Variants in FNIP2 observed in about 807,000 individuals in gnomAD.
FNIP2 encodes folliculin-interacting protein 2.
FNIP2 carries 32 observed loss-of-function variants against 108.7 expected under a neutral mutation model. The ratio of observed to expected loss-of-function variants is 0.29; its 90% CI spans 0.22 to 0.40. The LOEUF (loss-of-function observed/expected upper bound fraction) is 0.40, where lower values mean the gene tolerates loss of function less well. Among genes scored for constraint, FNIP2 ranks in the 10% least tolerant of loss-of-function variants. The probability of loss-of-function intolerance (pLI) is 1.00; values close to 1 mark genes in which losing one functional copy is unlikely to be tolerated. For synonymous variants in FNIP2, 480 were observed against 496.7 expected, an observed-to-expected ratio of 0.97 and a Z score of 0.45; for missense variants, 1,202 against 1,381.6, an observed-to-expected ratio of 0.87 and a Z score of 2.06.
At position 158,868,301 on chromosome 4, in the gene FNIP2, AG is replaced by A. The variant is rs1560815697; in HGVS notation, c.1666del (p.Ala556ProfsTer17). On this transcript the variant is annotated frameshift_variant, in exon 13 of 17. Transcript: ENST00000264433. LOFTEE classifies it high-confidence loss of function. This position sits in a 1 kb window ranked among gnomAD's most constrained non-coding sequence, Gnocchi z 4.6. The stretch of plus-strand genomic sequence containing the variant: ...TTTTAAATGGGAGCAAGATCATAAC[AG>A]CCTTGGAGAAAGGAGAGGTGGAGGA... ...QVLNGSKIIT[A>X]LEKGEVEESE... is the part of the protein sequence containing the mutation. 6.2e-7 allele frequency: 1 copy of A among 1,614,076 alleles called. No individual in the cohort carries two copies. Among genetic ancestry groups the A allele is most frequent in the Non-Finnish European group, 8.5e-7 (1 of 1,179,906 alleles).
intron 1 of FNIP2, among the ~76,000 whole-genome samples, chr4:158,791,805 T>TTA (rs1776428019): frequency 6.6e-6 from 1 of 152,138 alleles, no homozygotes; most frequent in Admixed American, 6.5e-5. Context: ...AGTCTGAGGG[T>TTA]TATATACATC....
intron 8 of FNIP2, among the ~76,000 whole-genome samples, chr4:158,854,236 A>C (rs1283160986): frequency 6.6e-6 from 1 of 152,220 alleles, no homozygotes; most frequent in Non-Finnish European, 1.5e-5. Flanking sequence ...CATAGAGTTA[A>C]ATATCTGTGC....
chr4:158,790,180 A>C (rs757227423), intron 1 of FNIP2, among the ~76,000 whole-genome samples: 1 of 151,624 alleles, frequency 6.6e-6, no homozygotes, highest in Non-Finnish European at 1.5e-5. Flanking sequence ...GATATCTCAT[A>C]ATGTGTATAC....
intron 1 of FNIP2, among the ~76,000 whole-genome samples, chr4:158,812,878 C>A (rs1375545911): frequency 6.6e-6 from 1 of 151,144 alleles, no homozygotes; most frequent in Non-Finnish European, 1.5e-5. Flanking sequence ...ATCCTCTGTG[C>A]CTTGCCTATT....
At chr4:158,839,278 T>C (rs1778984151) in intron 7 of FNIP2, among the ~76,000 whole-genome samples, 1 of 152,236 alleles carries the variant, frequency 6.6e-6, no homozygotes, top group Non-Finnish European at 1.5e-5. Flanking sequence ...CCCATTTATT[T>C]GTTTAGTCAT....
chr4:158,863,144 G>A (rs1425155686), intron 12 of FNIP2, among the ~76,000 whole-genome samples: 1 of 152,228 alleles, frequency 6.6e-6, no homozygotes, highest in African/African-American at 2.4e-5. Context: ...AGGAGTGTGA[G>A]GAGGGGACGA....
chr4:158,827,380 T>TC (rs960756595), intron 2 of FNIP2, among the ~76,000 whole-genome samples: 2 of 152,154 alleles, frequency 1.3e-5, no homozygotes, highest in African/African-American at 4.8e-5. Flanking sequence ...ACACAAGTTT[T>TC]CAAAAGGAAC....
At chr4:158,798,088 A>C (rs1317153627) in intron 1 of FNIP2, among the ~76,000 whole-genome samples, 1 of 152,108 alleles carries the variant, frequency 6.6e-6, no homozygotes, top group East Asian at 1.9e-4. Context: ...TTTTAGAGAC[A>C]GGGTCTTGCC....
At chr4:158,817,520 A>G (rs565201270) in intron 1 of FNIP2, among the ~76,000 whole-genome samples, 52 of 152,254 alleles carry the variant, frequency 3.4e-4, no homozygotes, top group Middle Eastern at 3.4e-3. Flanking sequence ...CTTTAGGTAT[A>G]ATTTTAGTCC....
chr4:158,856,756 C>T (rs565805456), intron 8 of FNIP2, among the ~76,000 whole-genome samples: 1 of 152,306 alleles, frequency 6.6e-6, no homozygotes, highest in African/African-American at 2.4e-5. Flanking sequence ...TAGAACTCTG[C>T]CTCAGTTTCC....
intron 1 of FNIP2, among the ~76,000 whole-genome samples, chr4:158,776,634 A>T (rs911791413): frequency 3.9e-5 from 6 of 152,036 alleles, no homozygotes; most frequent in African/African-American, 1.4e-4. Context: ...AAAGTCTTTT[A>T]AAGCATACAT....
At chr4:158,782,005 T>C (rs931318936) in intron 1 of FNIP2, among the ~76,000 whole-genome samples, 3 of 152,216 alleles carry the variant, frequency 2.0e-5, no homozygotes, top group Non-Finnish European at 4.4e-5. Flanking sequence ...TTGACAACTA[T>C]TAGACATTCA....
chr4:158,860,986 A>G (rs576282799), intron 10 of FNIP2, among the ~76,000 whole-genome samples: 45 of 152,162 alleles, frequency 3.0e-4, no homozygotes, highest in Middle Eastern at 3.4e-3. Flanking sequence ...TGAGGTGTCT[A>G]TTTTTCAAAG....
intron 1 of FNIP2, among the ~76,000 whole-genome samples, chr4:158,809,264 G>A (rs930135402): frequency 3.3e-5 from 5 of 152,174 alleles, no homozygotes; most frequent in African/African-American, 1.2e-4. Context: ...TTCGAGATCA[G>A]CCTGGCCAAC....
intron 1 of FNIP2, among the ~76,000 whole-genome samples, chr4:158,800,879 T>G (rs1252185063): frequency 6.6e-6 from 1 of 152,218 alleles, no homozygotes; most frequent in Non-Finnish European, 1.5e-5. Context: ...TTTCAGTTAC[T>G]GGGTGCCTTC....
chr4:158,828,678 A>G (rs1248501477), intron 2 of FNIP2, among the ~76,000 whole-genome samples: 1 of 152,186 alleles, frequency 6.6e-6, no homozygotes, highest in Non-Finnish European at 1.5e-5. Context: ...GTTTTGTTTT[A>G]TTAGTTCCAT....
Position 158,878,821 on chromosome 4 carries a change from A to G in FNIP2, c.2949+8352A>G, listed in dbSNP as rs549907296. 9.9e-5 allele frequency among the ~76,000 whole-genome samples: 15 copies of G among 151,200 alleles called. No homozygotes were observed. The East Asian group carries it at 2.9e-3, about 29-fold the overall frequency. ...TAAAAAGAAGGAATTGGAACCTTAAAAAAAAGAGAGGATAATGTGATAAAT... is the reference window on the plus strand; with the variant it reads ...TAAAAAGAAGGAATTGGAACCTTAAGAAAAAGAGAGGATAATGTGATAAAT... On this transcript the variant is annotated intron_variant, in intron 14 of 16. Coordinates refer to ENST00000264433, the MANE Select transcript of FNIP2 (RefSeq NM_020840.3).
chr4:158,830,256 T>C (rs946792010), intron 3 of FNIP2, among the ~76,000 whole-genome samples: 1 of 135,542 alleles, frequency 7.4e-6, no homozygotes, highest in Non-Finnish European at 1.6e-5. Context: ...TTCTTTTTTT[T>C]TTTTTTTTTT....
At chr4:158,887,493 T>C (rs1295948551) in intron 14 of FNIP2, among the ~76,000 whole-genome samples, 3 of 152,046 alleles carry the variant, frequency 2.0e-5, no homozygotes, top group Non-Finnish European at 4.4e-5. Context: ...TCCCAGCACT[T>C]TGGGAGGCCG....
Sources: gnomAD v4.1 joint callset for allele counts (sites outside exome capture counted in the v4.1 genomes callset) on GRCh38, gnomAD v4.1.1 for gene constraint, Gnocchi (gnomAD v3.1) non-coding constraint, MANE v1.5 for transcripts, NCBI Gene and HGNC (gene_info 2026-07-23, HGNC 2026-07-21) for gene names.